ARHGAP45: variants seen among roughly 807,000 people sequenced by gnomAD.
ARHGAP45 encodes Rho GTPase activating protein 45.
A neutral mutation model predicts 116.1 loss-of-function variants in ARHGAP45; 56 were observed. The ratio of observed to expected loss-of-function variants is 0.48; its 90% confidence interval spans 0.39 to 0.60. The LOEUF (loss-of-function observed/expected upper bound fraction) is 0.60. Among genes scored for constraint, ARHGAP45 ranks in the 20% least tolerant of loss-of-function variants. The probability of loss-of-function intolerance (pLI) is 0.00; values close to 1 mark genes in which losing one functional copy is unlikely to be tolerated. For synonymous variants in ARHGAP45, 866 were observed against 701.7 expected (o/e 1.23, Z -3.70); for missense variants, 1,622 against 1,601.0 (o/e 1.01, Z -0.22).
Position 1,071,236 on chromosome 19 carries a change from G to C in ARHGAP45, c.422-1913G>C. 1 of 1,467,732 alleles carries C rather than the reference G, an allele frequency of 6.8e-7. No individual in the cohort carries two copies. The highest frequency in any genetic ancestry group is 9.0e-7 in the Non-Finnish European group (1 of 1,112,798). The allele number at this position is 1,467,732 out of a possible 1,614,324, so 90.9% of individuals were successfully genotyped here. On this transcript the variant is annotated intron_variant, in intron 2 of 22. Coordinates refer to ENST00000313093, the MANE Select transcript of ARHGAP45 (RefSeq NM_012292.5). This position sits in a 1 kb window ranked among gnomAD's most constrained non-coding sequence, Gnocchi z 4.6. Reference sequence around the variant, plus strand: ...GTTTGGCCACCGGAGACCCCCATCGGTCAGCTGCCAGGCCCCACGCGCTCG... The same window carrying C: ...GTTTGGCCACCGGAGACCCCCATCGCTCAGCTGCCAGGCCCCACGCGCTCG...
chr19:1,080,340 G>A lies in ARHGAP45; in HGVS notation c.1789G>A (p.Gly597Ser), dbSNP rs759484653. ...GGCTGCCGGGAGCCCCCCAGAAGAA[G>A]GCGGGTGCACTGAGGGCACACCTGC... The part of the protein sequence containing the change: ...PEAAGSPPEE[G>S]GCTEGTPAKD... The change falls in exon 14 of 23, where the codon GGC becomes AGC. Residue 597 changes from glycine (G) to serine (S), a missense_variant. This residue lies in a region of ARHGAP45 where 1,334 missense variants were observed against 1,263.8 expected (regional missense o/e 1.06). Transcript: ENST00000313093. 3.1e-6 allele frequency: 5 copies of A among 1,609,332 alleles called. No homozygotes were observed. In the South Asian group the frequency reaches 5.5e-5, roughly 18 times the overall value.
chr19:1,073,229 T>C lies in ARHGAP45; in HGVS notation c.502T>C (p.Tyr168His). Reference sequence around the variant, plus strand: ...TGTCATGCATCAGATCATCTCCAAGTACCCGCTGCTGAACACCGTGGAGAC... The same window carrying C: ...TGTCATGCATCAGATCATCTCCAAGCACCCGCTGCTGAACACCGTGGAGAC... The part of the protein sequence containing the change: ...LRVMHQIISK[Y>H]PLLNTVETLT... Residue 168 changes from tyrosine to histidine, a missense_variant, in exon 3 of 23, where the codon TAC (tyrosine) becomes CAC (histidine). By Grantham distance (83) the Tyr-to-His change is moderately conservative. Around this residue, in one of 3 missense-constraint regions of ARHGAP45, gnomAD observed 279 missense variants for 311.9 expected, o/e 0.89. Coordinates refer to ENST00000313093, the MANE Select transcript of ARHGAP45 (RefSeq NM_012292.5). The C allele has an allele frequency of 3.1e-6, 5 of 1,613,550 alleles. No homozygotes were observed. The highest frequency in any genetic ancestry group is 1.1e-5 in the South Asian group (1 of 91,080).
rs113388297 is a variant in ARHGAP45, at chr19:1,083,377, G to T, written c.2955+24G>T. ...AGGTGAGGGTGTGGGCCTGACCGGG[G>T]CTGGCCACTCGGGGCTTGGGGAGCA... On this transcript the variant is annotated intron_variant, in intron 21 of 22. Transcript: ENST00000313093. 472 of 1,531,672 alleles carry T rather than the reference G, an allele frequency of 3.1e-4. 4 individuals are homozygous for T. The African/African-American group carries it at 5.3e-3, about 17-fold the overall frequency. 94.9% of individuals were successfully genotyped at this position (1,531,672 alleles called of 1,614,324 possible).
chr19:1,075,033 C>CA (rs926812905), intron 10 of ARHGAP45, among the ~76,000 whole-genome samples, 154 bp downstream of exon 10: 17 of 133,200 alleles, frequency 1.3e-4, no homozygotes, highest in Admixed American at 6.9e-4. Context: ...GGCCGCCCCC[C>CA]CCAACGCCAA....
At chr19:1,085,340 C>T (rs1023015545) in intron 22 of ARHGAP45, among the ~76,000 whole-genome samples, 4 of 152,178 alleles carry the variant, frequency 2.6e-5, no homozygotes, top group African/African-American at 9.7e-5. Flanking sequence ...CCATCCTCCA[C>T]CAGCTCCCTC....
In ARHGAP45 at chr19:1,068,451, C is replaced by T; in HGVS notation, c.128C>T (p.Pro43Leu). The T allele has an allele frequency of 6.3e-6, 10 of 1,580,456 alleles. No individual in the cohort carries two copies. The highest frequency in any genetic ancestry group is 8.6e-6 in the Non-Finnish European group (10 of 1,163,610). ...PRKDGADAVF[P>L]GPSLEPPAGS... is the part of the protein sequence containing the mutation. Reference sequence around the variant, plus strand: ...AAGGATGGGGCTGACGCGGTGTTCCCCGGACCAAGCCTGGAGCCGCCCGCT... The same window carrying T: ...AAGGATGGGGCTGACGCGGTGTTCCTCGGACCAAGCCTGGAGCCGCCCGCT... The change falls in exon 2 of 23, where the codon CCC (proline) becomes CTC (leucine). Residue 43 changes from proline to leucine, a missense_variant. By Grantham distance (98) the Pro-to-Leu change is moderately conservative. Coordinates refer to ENST00000313093, the MANE Select transcript of ARHGAP45 (RefSeq NM_012292.5). This position sits in a 1 kb window ranked among gnomAD's most constrained non-coding sequence, Gnocchi z 7.5.
Position 1,083,216 on chromosome 19 carries a change from C to T in ARHGAP45, c.2818C>T (p.Arg940Trp), listed in dbSNP as rs768714766. 6.2e-7 allele frequency: 1 copy of T among 1,609,962 alleles called. No homozygotes were observed. Among genetic ancestry groups the T allele is most frequent in the Non-Finnish European group, 8.5e-7 (1 of 1,178,808 alleles). ...LGIVFGPTLL[R>W]PRPTEATVSL... is the part of the protein sequence containing the mutation. ...CATCGTGTTCGGGCCCACGCTGCTT[C>T]GGCCACGGCCCACCGAGGCCACCGT... is the stretch of plus-strand genomic sequence containing the variant. The change falls in exon 21 of 23, where the codon CGG (arginine) becomes TGG (tryptophan). Residue 940 changes from arginine (R) to tryptophan (W), a missense_variant. By Grantham distance (101) the Arg-to-Trp change is moderately radical (BLOSUM62 -3). Transcript: ENST00000313093.
Position 1,080,547 on chromosome 19 carries a change from G to C in ARHGAP45, c.1912G>C (p.Gly638Arg), listed in dbSNP as rs760319270. The C allele has an allele frequency of 1.1e-5, 18 of 1,612,786 alleles. No individual in the cohort carries two copies. In the East Asian group the frequency reaches 3.8e-4, roughly 34 times the overall value. ...DSGLDPGPGA[G>R]DFKKFERTSS... ...TGGGCTGGACCCCGGCCCTGGCGCA[G>C]GTGAGGGAGGCTCTCTGGCGGGCTG... The change falls in exon 15 of 23, where the codon GGG becomes CGG. Residue 638 changes from glycine to arginine, a missense_variant and splice_region_variant. Gly to Arg is a moderately radical substitution (Grantham distance 125). Around this residue, in one of 3 missense-constraint regions of ARHGAP45, gnomAD observed 1,334 missense variants for 1,263.8 expected, o/e 1.06. Coordinates refer to ENST00000313093, the MANE Select transcript of ARHGAP45 (RefSeq NM_012292.5).
At position 1,067,954 on chromosome 19, in the gene ARHGAP45, TGG is replaced by T. The variant is rs11348811; in HGVS notation, c.91-451_91-450del. ...CCCAGGCCTGGGGTGTCTACAAAGC[TGG>T]GGGGGGGGTCTACAGAGCTTGGGGG... On this transcript the variant is annotated intron_variant, in intron 1 of 22. Coordinates refer to ENST00000313093, the MANE Select transcript of ARHGAP45 (RefSeq NM_012292.5). Among the ~76,000 whole-genome samples, 212 of 80,240 alleles carry T rather than the reference TGG, an allele frequency of 2.6e-3. 4 individuals are homozygous for T. Among genetic ancestry groups the T allele is most frequent in the Middle Eastern group, 7.6e-3 (1 of 132 alleles). The allele number at this position is 80,240 out of a possible 152,430, so 52.6% of individuals were successfully genotyped here.
rs1045896402 is a variant in ARHGAP45 at position 1,067,489 on chromosome 19, C to T, written c.84C>T (p.Pro28=). 2 of 1,600,286 alleles carry T rather than the reference C, an allele frequency of 1.2e-6. No individual in the cohort carries two copies. The highest frequency in any genetic ancestry group is 1.7e-5 in the Admixed American group (1 of 58,084). ...KNRAGSPSPQ[P]SGELPRKDGA... ...GCGCGGGAAGCCCCAGCCCGCAGCC[C>T]TCGGGGGTGAGTGGAGCCCGGGTGA... Residue 28 remains proline (P), a synonymous_variant, in exon 1 of 23, where the codon CCC becomes CCT. Coordinates refer to ENST00000313093, the MANE Select transcript of ARHGAP45 (RefSeq NM_012292.5).
chr19:1,082,971 G>T lies in ARHGAP45; in HGVS notation c.2649G>T (p.Val883=). The change falls in exon 20 of 23, where the codon GTG becomes GTT. Residue 883 remains valine, a synonymous_variant. Coordinates refer to ENST00000313093, the MANE Select transcript of ARHGAP45 (RefSeq NM_012292.5). ...AGGACGGCTCGGAGAGCGAGGCAGT[G>T]GCGGTGGCCCTGGCAGGTCGGCTGC... ...GRQDGSESEA[V]AVALAGRLRE... 6.4e-7 allele frequency: 1 copy of T among 1,561,348 alleles called. No individual in the cohort carries two copies.
At chr19:1,082,801 C>T (rs1233599442) in intron 19 of ARHGAP45, 39 bp from the exon 20 acceptor site, 3 of 1,446,780 alleles carry the variant, frequency 2.1e-6, no homozygotes, top group Non-Finnish European at 2.7e-6. Context: ...GGGGCTGGGC[C>T]AGGCCCACCA....
Position 1,083,018 on chromosome 19 carries a change from C to T in ARHGAP45, c.2696C>T (p.Pro899Leu). The change falls in exon 20 of 23, where the codon CCG (proline) becomes CTG (leucine). Residue 899 changes from proline to leucine, a missense_variant. Pro to Leu is a moderately conservative substitution (Grantham distance 98). Around this residue, in one of 3 missense-constraint regions of ARHGAP45, gnomAD observed 1,334 missense variants for 1,263.8 expected, o/e 1.06. Coordinates refer to ENST00000313093, the MANE Select transcript of ARHGAP45 (RefSeq NM_012292.5). The part of the protein sequence containing the change: ...GRLRELLRDL[P>L]PENRASLQYL... ...CTGCGGGAGCTCCTGCGGGACCTGCCGCCTGAGAACCGGGCCTCGCTGCAG... is the reference window on the plus strand; with the variant it reads ...CTGCGGGAGCTCCTGCGGGACCTGCTGCCTGAGAACCGGGCCTCGCTGCAG... 6.5e-7 allele frequency: 1 copy of T among 1,544,772 alleles called. No homozygotes were observed. Among genetic ancestry groups the T allele is most frequent in the South Asian group, 1.2e-5 (1 of 84,930 alleles).
Position 1,084,261 on chromosome 19 carries a change from T to A in ARHGAP45, c.2979T>A (p.Ala993=), listed in dbSNP as rs373774879. 2 of 1,613,396 alleles carry A rather than the reference T, an allele frequency of 1.2e-6. No homozygotes were observed. Among genetic ancestry groups the A allele is most frequent in the Middle Eastern group, 1.7e-4 (1 of 6,004 alleles). ...AGGACGAGTCATCCAACCAGCGAGC[T>A]GAGGTAGTCGTCCAGGTGCCGTACC... is the stretch of plus-strand genomic sequence containing the variant. ...GGQDESSNQR[A]EVVVQVPYLE... The change falls in exon 22 of 23, where the codon GCT becomes GCA. Residue 993 remains alanine (A), a synonymous_variant. Transcript: ENST00000313093.
At position 1,081,870 on chromosome 19, in the gene ARHGAP45, G is replaced by A; in HGVS notation, c.2426G>A (p.Cys809Tyr). The change falls in exon 19 of 23, where the codon TGC (cysteine) becomes TAC (tyrosine). Residue 809 changes from cysteine to tyrosine, a missense_variant. Coordinates refer to ENST00000313093, the MANE Select transcript of ARHGAP45 (RefSeq NM_012292.5). ...NGVKTRVEKL[C>Y]QAFENGKELV... ...GTAAAGACACGCGTGGAGAAGCTGT[G>A]CCAGGCCTTCGAGAACGGCAAGGAG... 1 of 1,613,064 alleles carries A rather than the reference G, an allele frequency of 6.2e-7. No homozygotes were observed. The highest frequency in any genetic ancestry group is 1.7e-5 in the Admixed American group (1 of 59,996).
At chr19:1,083,402 A>C in intron 21 of ARHGAP45, 49 bp downstream of exon 21, 3 of 1,465,472 alleles carry the variant, frequency 2.0e-6, no homozygotes, top group Non-Finnish European at 2.8e-6. Flanking sequence ...CTTGGGGAGC[A>C]GGGGGCGCTG....
rs2043170529 is a variant in ARHGAP45 at position 1,073,132 on chromosome 19, C to T, written c.422-17C>T. On this transcript the variant is annotated splice_polypyrimidine_tract_variant and intron_variant, in intron 2 of 22. Transcript: ENST00000313093. ...ACTGGGCCCTACCCCACTGCTCACT[C>T]CGACTCTCCCCAGCAGACCTCCTTG... 6.3e-7 allele frequency: 1 copy of T among 1,598,560 alleles called. No individual in the cohort carries two copies. Among genetic ancestry groups the T allele is most frequent in the Admixed American group, 1.7e-5 (1 of 59,366 alleles).
In ARHGAP45 at chr19:1,083,036, C is replaced by T; in HGVS notation, c.2714C>T (p.Ser905Leu). The change falls in exon 20 of 23, where the codon TCG (serine) becomes TTG (leucine). Residue 905 changes from serine to leucine, a missense_variant. Transcript: ENST00000313093. ...LRDLPPENRA[S>L]LQYLLRHLRR... is the part of the protein sequence containing the mutation. ...GACCTGCCGCCTGAGAACCGGGCCT[C>T]GCTGCAGTACCTGCTGCGTCACCTA... 1 of 1,545,020 alleles carries T rather than the reference C, an allele frequency of 6.5e-7. No homozygotes were observed. Among genetic ancestry groups the T allele is most frequent in the Non-Finnish European group, 8.7e-7 (1 of 1,150,120 alleles).
chr19:1,078,439 G>A (rs964173578), intron 11 of ARHGAP45, among the ~76,000 whole-genome samples: 2 of 144,870 alleles, frequency 1.4e-5, no homozygotes, highest in South Asian at 2.2e-4. Context: ...CACTGCGCCC[G>A]GCCAATTTGT....
Sources: allele counts gnomAD v4.1 joint callset (sites outside exome capture counted in the v4.1 genomes callset), GRCh38; gene constraint gnomAD v4.1.1; regional missense constraint gnomAD v4.1.1; non-coding constraint Gnocchi (gnomAD v3.1); transcripts MANE v1.5; gene names NCBI Gene and HGNC (gene_info 2026-07-23, HGNC 2026-07-21).